FHIP1A: variants seen among roughly 807,000 people sequenced by gnomAD.
FHIP1A encodes the protein FHF complex subunit HOOK interacting protein 1A.
Under a neutral mutation model 88.6 loss-of-function variants are expected in FHIP1A, and 61 were observed. The observed-to-expected ratio is 0.69, with a 90% CI of 0.56 to 0.85. The LOEUF (loss-of-function observed/expected upper bound fraction) is 0.85. FHIP1A is among the 40% of genes least tolerant of loss of function. FHIP1A has a pLI of 0.00. For synonymous variants in FHIP1A, 478 were observed against 496.0 expected, an observed-to-expected ratio of 0.96 and a Z score of 0.48; for missense variants, 1,154 against 1,273.5, an observed-to-expected ratio of 0.91 and a Z score of 1.43.
chr4:151,575,752 A>AT (rs897910561), intron 4 of FHIP1A, among the ~76,000 whole-genome samples: 9 of 152,092 alleles, frequency 5.9e-5, no homozygotes, highest in African/African-American at 1.7e-4. Context: ...GTCTATAACG[A>AT]TTTTTTTCCC....
At chr4:151,599,971 A>G (rs1159169540) in intron 7 of FHIP1A, among the ~76,000 whole-genome samples, 1 of 152,208 alleles carries the variant, frequency 6.6e-6, no homozygotes, top group Admixed American at 6.5e-5. Context: ...AGTCATGATG[A>G]TTATGCTGTA....
At position 151,666,205 on chromosome 4, in the gene FHIP1A, T is replaced by C. The variant is rs1024874662; in HGVS notation, c.*3451T>C. On this transcript the variant is annotated 3_prime_UTR_variant, in exon 14 of 14. Transcript: ENST00000435205. ...ACTTAGGTTCAGCCTAAAACATAAT[T>C]TCATGGGTGGTAAAATACAATTTCC... is the stretch of plus-strand genomic sequence containing the variant. 6.6e-6 allele frequency among the ~76,000 whole-genome samples: 1 copy of C among 152,206 alleles called. No individual in the cohort carries two copies. The highest frequency in any genetic ancestry group is 1.5e-5 in the Non-Finnish European group (1 of 68,034).
At chr4:151,468,705 C>T (rs528657990) in intron 2 of FHIP1A, among the ~76,000 whole-genome samples, 2 of 152,282 alleles carry the variant, frequency 1.3e-5, no homozygotes, top group South Asian at 4.1e-4. Context: ...GAAGGCTGGT[C>T]ATTTATCAAA....
intron 4 of FHIP1A, among the ~76,000 whole-genome samples, chr4:151,572,757 A>G (rs568491642): frequency 6.0e-4 from 91 of 152,230 alleles, no homozygotes; most frequent in Non-Finnish European, 9.8e-4. Flanking sequence ...TCTTAAAATA[A>G]CTAGGCTCTA....
rs1161804988 is a variant in FHIP1A at position 151,666,423 on chromosome 4, T to C, written c.*3669T>C. Among the ~76,000 whole-genome samples, 1 of 152,176 alleles carries C rather than the reference T, an allele frequency of 6.6e-6. No homozygotes were observed. The highest frequency in any genetic ancestry group is 6.5e-5 in the Admixed American group (1 of 15,284). On this transcript the variant is annotated 3_prime_UTR_variant, in exon 14 of 14. Coordinates refer to ENST00000435205, the MANE Select transcript of FHIP1A (RefSeq NM_001109977.3). Reference sequence around the variant, plus strand: ...CAGGTGTTAGGTAGGACGCATTCGGTATTTTTATAGGTCATCAGGAGTACC... The same window carrying C: ...CAGGTGTTAGGTAGGACGCATTCGGCATTTTTATAGGTCATCAGGAGTACC...
chr4:151,516,091 A>T (rs1307992707), intron 3 of FHIP1A, among the ~76,000 whole-genome samples: 2 of 152,236 alleles, frequency 1.3e-5, no homozygotes, highest in Non-Finnish European at 2.9e-5. Flanking sequence ...TGGTACTGGT[A>T]CCAAAACAGA....
chr4:151,508,510 A>G (rs1730910473), intron 3 of FHIP1A, among the ~76,000 whole-genome samples: 1 of 152,174 alleles, frequency 6.6e-6, no homozygotes, highest in Admixed American at 6.5e-5. Context: ...GCTATAGGTA[A>G]ATGATGAGTG....
intron 7 of FHIP1A, among the ~76,000 whole-genome samples, chr4:151,602,133 A>G (rs953095665): frequency 1.2e-4 from 19 of 152,096 alleles, no homozygotes; most frequent in African/African-American, 4.3e-4. Context: ...ACAATTCAAG[A>G]TGAGATTTGG....
chr4:151,476,891 A>T (rs955719220), intron 2 of FHIP1A, among the ~76,000 whole-genome samples: 1 of 152,198 alleles, frequency 6.6e-6, no homozygotes, highest in African/African-American at 2.4e-5. Context: ...GGCCATTAGC[A>T]TAAAAAGGAT....
At chr4:151,594,051 G>A (rs764148669) in intron 7 of FHIP1A, among the ~76,000 whole-genome samples, 8 of 152,154 alleles carry the variant, frequency 5.3e-5, no homozygotes, top group Non-Finnish European at 1.2e-4. Context: ...CTGTTTATGC[G>A]ATGGATTAGG....
chr4:151,606,350 A>G (rs572521615), intron 7 of FHIP1A, among the ~76,000 whole-genome samples: 6 of 152,340 alleles, frequency 3.9e-5, no homozygotes, highest in South Asian at 2.1e-4. Flanking sequence ...CTGGTTTCCT[A>G]TAATGCTGTG....
intron 2 of FHIP1A, among the ~76,000 whole-genome samples, chr4:151,467,325 C>G (rs1262335761): frequency 1.3e-5 from 2 of 152,186 alleles, no homozygotes; most frequent in African/African-American, 4.8e-5. Flanking sequence ...CAAGAAACAA[C>G]AGTTGCTGGT....
chr4:151,466,043 G>T (rs1729301769), intron 2 of FHIP1A, among the ~76,000 whole-genome samples: 1 of 152,064 alleles, frequency 6.6e-6, no homozygotes, highest in Non-Finnish European at 1.5e-5. Flanking sequence ...AAGTCAAATT[G>T]TCTGTTTGCA....
At chr4:151,427,231 C>G (rs1733415740) in intron 1 of FHIP1A, among the ~76,000 whole-genome samples, 1 of 152,052 alleles carries the variant, frequency 6.6e-6, no homozygotes, top group East Asian at 1.9e-4. Context: ...AGTGCACTTA[C>G]TTAGCCTTTA....
chr4:151,555,035 C>T (rs1446183110), intron 3 of FHIP1A, among the ~76,000 whole-genome samples: 1 of 152,074 alleles, frequency 6.6e-6, no homozygotes, highest in African/African-American at 2.4e-5. Flanking sequence ...GCATGTTCTG[C>T]TTTGTGGTTC....
At chr4:151,432,416 G>C (rs1733625566) in intron 1 of FHIP1A, among the ~76,000 whole-genome samples, 1 of 152,162 alleles carries the variant, frequency 6.6e-6, no homozygotes, top group South Asian at 2.1e-4. Flanking sequence ...ACTGTTCTAG[G>C]TGCTGAGAAT....
At chr4:151,476,828 A>G (rs897162221) in intron 2 of FHIP1A, among the ~76,000 whole-genome samples, 2 of 152,250 alleles carry the variant, frequency 1.3e-5, no homozygotes, top group Non-Finnish European at 2.9e-5. Context: ...GTCAGCATTC[A>G]TAACTTCCAT....
chr4:151,485,591 G>GTT (rs869041330), intron 3 of FHIP1A, among the ~76,000 whole-genome samples: 23 of 135,796 alleles, frequency 1.7e-4, no homozygotes, highest in East Asian at 4.3e-4. Context: ...GGAGCTCAGA[G>GTT]TTTTTTTTTT....
chr4:151,666,167 CAAAG>C lies in FHIP1A; in HGVS notation c.*3417_*3420del, dbSNP rs1737658279. On this transcript the variant is annotated 3_prime_UTR_variant, in exon 14 of 14. Coordinates refer to ENST00000435205, the MANE Select transcript of FHIP1A (RefSeq NM_001109977.3). Reference sequence around the variant, plus strand: ...AGTAAATGTTTTTTAAAATTTTACACAAAGAAATTCCAACTTAGGTTCAGCCTAA... The same window carrying C: ...AGTAAATGTTTTTTAAAATTTTACACAAATTCCAACTTAGGTTCAGCCTAA... Among the ~76,000 whole-genome samples, 1 of 152,194 alleles carries C rather than the reference CAAAG, an allele frequency of 6.6e-6. No homozygotes were observed.
Sources: allele counts gnomAD v4.1 joint callset (sites outside exome capture counted in the v4.1 genomes callset), GRCh38; gene constraint gnomAD v4.1.1; transcripts MANE v1.5; gene names NCBI Gene and HGNC (gene_info 2026-07-23, HGNC 2026-07-21).